Variants in SLC24A2 observed in about 807,000 individuals in gnomAD.
SLC24A2 encodes solute carrier family 24 member 2.
In SLC24A2, 36 loss-of-function variants were observed where a neutral mutation model predicts 62.0. The ratio of observed to expected loss-of-function variants is 0.58; its 90% CI spans 0.44 to 0.77. The LOEUF (loss-of-function observed/expected upper bound fraction) is 0.77. SLC24A2 is among the 30% of genes least tolerant of loss of function. The probability of loss-of-function intolerance (pLI) is 0.00; values close to 1 mark genes in which losing one functional copy is unlikely to be tolerated. For missense variants in SLC24A2, 846 were observed against 817.9 expected (o/e 1.03, Z -0.42); for synonymous variants, 358 against 294.0 (o/e 1.22, Z -2.23).
the SLC24A2 span, among the ~76,000 whole-genome samples, chr9:20,214,828 T>C: frequency 2.0e-5 from 3 of 152,092 alleles, no homozygotes; most frequent in African/African-American, 7.2e-5. Context: ...CTCACATAAA[T>C]GTAACTCAAT....
the SLC24A2 span, among the ~76,000 whole-genome samples, chr9:20,131,808 C>T: frequency 4.4e-4 from 67 of 151,872 alleles, no homozygotes; most frequent in African/African-American, 1.5e-3. Flanking sequence ...GCAAAAGCAG[C>T]AATAATTTAA....
chr9:19,978,508 G>A, the SLC24A2 span, among the ~76,000 whole-genome samples: 2 of 151,944 alleles, frequency 1.3e-5, no homozygotes, highest in South Asian at 2.1e-4. Flanking sequence ...TAGGGGACAG[G>A]CAACAGAACA....
intron 7 of SLC24A2, among the ~76,000 whole-genome samples, chr9:19,554,094 G>A (rs1024302704): frequency 2.6e-5 from 4 of 152,106 alleles, no homozygotes; most frequent in African/African-American, 7.2e-5. Context: ...AATCTACCTG[G>A]TGTCCTTATA....
chr9:20,273,140 T>C, the SLC24A2 span, among the ~76,000 whole-genome samples: 10 of 152,212 alleles, frequency 6.6e-5, no homozygotes, highest in African/African-American at 2.4e-4. Flanking sequence ...TTGTCCCTGA[T>C]GGAGCACAGG....
chr9:20,040,296 T>C, the SLC24A2 span, among the ~76,000 whole-genome samples: 1 of 152,332 alleles, frequency 6.6e-6, no homozygotes, highest in South Asian at 2.1e-4. Flanking sequence ...AATAGGTATA[T>C]GGGAGAAGTT....
chr9:19,521,040 G>A lies in SLC24A2; in HGVS notation c.1590C>T (p.Ile530=). The A allele has an allele frequency of 3.1e-6, 5 of 1,614,072 alleles. No individual in the cohort carries two copies. Among genetic ancestry groups the A allele is most frequent in the Non-Finnish European group, 4.2e-6 (5 of 1,179,946 alleles). ...TGGTCAGGCCCATAATCTCTTCACT[G>A]ATGCCAATTGTCTCTCCAACCTAAA... is the stretch of plus-strand genomic sequence containing the variant. ...WAHQVGETIG[I]SEEIMGLTIL... Residue 530 remains isoleucine, a synonymous_variant, in exon 10 of 11, where the codon ATC becomes ATT. Coordinates refer to ENST00000341998, the MANE Select transcript of SLC24A2 (RefSeq NM_020344.4).
At chr9:19,697,292 C>T (rs1277653626) in intron 2 of SLC24A2, among the ~76,000 whole-genome samples, 4 of 151,976 alleles carry the variant, frequency 2.6e-5, no homozygotes, top group East Asian at 3.9e-4. Context: ...GGGGGTGCAG[C>T]GGGAGGGAGA....
At position 19,560,380 on chromosome 9, in the gene SLC24A2, G is replaced by A. The variant is rs563456747; in HGVS notation, c.1348-10112C>T. 7.4e-4 allele frequency among the ~76,000 whole-genome samples: 110 copies of A among 147,910 alleles called. 1 individual carries two copies. Among genetic ancestry groups the A allele is most frequent in the African/African-American group, 2.6e-3 (103 of 40,114 alleles). On this transcript the variant is annotated intron_variant, in intron 7 of 10. Coordinates refer to ENST00000341998, the MANE Select transcript of SLC24A2 (RefSeq NM_020344.4). ...TCAGAGATGAGGCCTCTAATGAAGT[G>A]ATTAAGGTTAAATGAGGTAATAAGG...
chr9:19,582,889 C>A (rs1442998551), intron 5 of SLC24A2, among the ~76,000 whole-genome samples: 1 of 151,984 alleles, frequency 6.6e-6, no homozygotes, highest in African/African-American at 2.4e-5. Context: ...CCACTTTTTC[C>A]TTCCACCCCT....
chr9:19,981,523 T>A, the SLC24A2 span, among the ~76,000 whole-genome samples: 3 of 152,286 alleles, frequency 2.0e-5, no homozygotes, highest in African/African-American at 7.2e-5. Context: ...TTGGAATCTC[T>A]CAAAACAGTA....
intron 2 of SLC24A2, among the ~76,000 whole-genome samples, chr9:19,769,556 G>A (rs1227503056): frequency 1.3e-5 from 2 of 152,204 alleles, no homozygotes; most frequent in South Asian, 2.1e-4. Flanking sequence ...GTAAAGTGTT[G>A]TGTTTTGACC....
chr9:19,561,709 C>A (rs943831226), intron 7 of SLC24A2, among the ~76,000 whole-genome samples: 2 of 152,154 alleles, frequency 1.3e-5, no homozygotes, highest in African/African-American at 2.4e-5. Flanking sequence ...GGATTACAGG[C>A]GTGAGCCACT....
the SLC24A2 span, among the ~76,000 whole-genome samples, chr9:20,092,927 G>A: frequency 8.5e-5 from 13 of 152,152 alleles, no homozygotes; most frequent in Non-Finnish European, 1.6e-4. Flanking sequence ...TGAATAAGGT[G>A]ATATATGGCA....
At chr9:19,702,617 T>C (rs887173361) in intron 2 of SLC24A2, among the ~76,000 whole-genome samples, 1 of 152,220 alleles carries the variant, frequency 6.6e-6, no homozygotes, top group East Asian at 1.9e-4. Context: ...ACAACTGATG[T>C]CTGCGTCTTG....
the SLC24A2 span, among the ~76,000 whole-genome samples, chr9:20,238,602 G>A: frequency 2.0e-5 from 3 of 152,162 alleles, no homozygotes; most frequent in Non-Finnish European, 4.4e-5. Flanking sequence ...AAGTATAAAT[G>A]GAAGTTCCCA....
chr9:20,131,344 T>C, the SLC24A2 span, among the ~76,000 whole-genome samples: 1 of 152,240 alleles, frequency 6.6e-6, no homozygotes, highest in African/African-American at 2.4e-5. Flanking sequence ...GCATGATGAC[T>C]GGACAAGAGG....
At chr9:19,566,853 C>T (rs959804767) in intron 7 of SLC24A2, among the ~76,000 whole-genome samples, 6 of 151,926 alleles carry the variant, frequency 3.9e-5, no homozygotes, top group Admixed American at 6.6e-5. Context: ...AGCAAACTAT[C>T]GCAAGAACAA....
At chr9:20,307,795 G>A in the SLC24A2 span, among the ~76,000 whole-genome samples, 1 of 152,194 alleles carries the variant, frequency 6.6e-6, no homozygotes, top group African/African-American at 2.4e-5. Flanking sequence ...CCAGCTTGCA[G>A]AAGGTGCTGG....
chr9:20,021,309 T>C, the SLC24A2 span, among the ~76,000 whole-genome samples: 1 of 151,996 alleles, frequency 6.6e-6, no homozygotes. Context: ...TTTTTCCTTC[T>C]TTATATATTA....
Sources: gnomAD v4.1 joint callset for allele counts (sites outside exome capture counted in the v4.1 genomes callset) on GRCh38, gnomAD v4.1.1 for gene constraint, MANE v1.5 for transcripts, NCBI Gene and HGNC (gene_info 2026-07-23, HGNC 2026-07-21) for gene names.